Variants in ARHGAP27 observed in about 807,000 individuals in gnomAD.
The protein encoded by ARHGAP27 is Rho GTPase activating protein 27.
ARHGAP27 carries 53 observed loss-of-function variants against 102.0 expected under a neutral mutation model. The ratio of observed to expected loss-of-function variants is 0.52; its 90% CI spans 0.42 to 0.65. The LOEUF (loss-of-function observed/expected upper bound fraction) is 0.65. Among genes scored for constraint, ARHGAP27 ranks in the 30% least tolerant of loss-of-function variants. The pLI is 0.00. For synonymous variants in ARHGAP27, 525 were observed against 542.8 expected (o/e 0.97, Z 0.46); for missense variants, 1,117 against 1,256.2 (o/e 0.89, Z 1.68).
intron 4 of ARHGAP27, 142 bp downstream of exon 4, chr17:45,429,481 A>G (rs751535279): frequency 1.3e-6 from 2 of 1,491,606 alleles, no homozygotes; most frequent in South Asian, 1.4e-5. Context: ...GGTTGGGGAG[A>G]GGGAGCTCAT....
rs1196317004 is a variant in ARHGAP27 at position 45,405,552 on chromosome 17, C to G, written c.1065+124G>C. On this transcript the variant is annotated intron_variant, in intron 5 of 19. Transcript: ENST00000685559. ...GGAGCAGGAGAAGGGGTCAAAGGCTCTCAGAGGTAGCCCCGCCCACCCATC... is the reference window on the plus strand; with the variant it reads ...GGAGCAGGAGAAGGGGTCAAAGGCTGTCAGAGGTAGCCCCGCCCACCCATC... The G allele has an allele frequency of 1.4e-5, 18 of 1,322,484 alleles. No individual in the cohort carries two copies. The East Asian group carries it at 3.9e-4, about 29-fold the overall frequency. The allele number at this position is 1,322,484 out of a possible 1,614,324, so 81.9% of individuals were successfully genotyped here. A position where few individuals can be genotyped will look rare whatever the true frequency, so the allele number is the denominator to read the frequency against.
chr17:45,402,601 C>T, intron 12 of ARHGAP27, 113 bp downstream of exon 12: 1 of 948,000 alleles, frequency 1.1e-6, no homozygotes. Context: ...AGTGTTGGCT[C>T]ATAGGGAATT....
At chr17:45,410,381 G>C in intron 4 of ARHGAP27, 1 of 1,362,824 alleles carries the variant, frequency 7.3e-7, no homozygotes, top group Non-Finnish European at 9.4e-7. Flanking sequence ...AGGGCAACAG[G>C]GAAACAAGAA....
chr17:45,418,375 C>T (rs1242108424), intron 4 of ARHGAP27, among the ~76,000 whole-genome samples: 2 of 151,372 alleles, frequency 1.3e-5, no homozygotes, highest in African/African-American at 2.4e-5. Context: ...GAGGACCAAG[C>T]GGGAGGACTG....
chr17:45,410,073 C>G lies in ARHGAP27; in HGVS notation c.658-3990G>C, dbSNP rs879091426. On this transcript the variant is annotated intron_variant, in intron 4 of 19. Transcript: ENST00000685559. ...CCTGCCACTCTTGCCCCAAGCTGAC[C>G]ACCTCTTGGATGGGCAGGGCCTCCG... 6.4e-6 allele frequency: 6 copies of G among 935,128 alleles called. No individual in the cohort carries two copies. In the South Asian group the frequency reaches 1.0e-4, roughly 16 times the overall value. The allele number at this position is 935,128 out of a possible 1,614,324, so 57.9% of individuals were successfully genotyped here.
intron 4 of ARHGAP27, among the ~76,000 whole-genome samples, chr17:45,416,536 A>C (rs2048476481): frequency 6.7e-6 from 1 of 149,730 alleles, no homozygotes; most frequent in Non-Finnish European, 1.5e-5. Context: ...CTAGGCAATA[A>C]GTAACTGTAT....
intron 14 of ARHGAP27, 26 bp from the exon 15 acceptor site, chr17:45,396,816 G>A: frequency 6.2e-7 from 1 of 1,608,282 alleles, no homozygotes; most frequent in South Asian, 1.1e-5. Context: ...GCAGGACTGA[G>A]TCAGGAGGCA....
At chr17:45,404,577 A>T (rs773278381) in intron 7 of ARHGAP27, 24 bp downstream of exon 7, 1 of 1,612,012 alleles carries the variant, frequency 6.2e-7, no homozygotes, top group Non-Finnish European at 8.5e-7. Flanking sequence ...TCTCCCCAAC[A>T]CCCCCCTTTC....
At chr17:45,415,850 C>T (rs2048395662) in intron 4 of ARHGAP27, among the ~76,000 whole-genome samples, 1 of 152,188 alleles carries the variant, frequency 6.6e-6, no homozygotes, top group Non-Finnish European at 1.5e-5. Flanking sequence ...CAGCCAGATA[C>T]AAGGCATGGA....
chr17:45,410,946 C>T (rs181548360), intron 4 of ARHGAP27, among the ~76,000 whole-genome samples: 359 of 152,224 alleles, frequency 2.4e-3, no homozygotes, highest in African/African-American at 8.4e-3. Flanking sequence ...GACCACATCA[C>T]TATCTGCCCG....
chr17:45,401,838 C>T (rs1444483768), intron 12 of ARHGAP27, among the ~76,000 whole-genome samples: 2 of 152,200 alleles, frequency 1.3e-5, no homozygotes, highest in African/African-American at 4.8e-5. Flanking sequence ...CAGTAACCAC[C>T]ACCTTAGCAC....
chr17:45,396,572 G>A lies in ARHGAP27; in HGVS notation c.2088C>T (p.Gly696=). ...EKGYIKDQVF[G]CALAALCERE... is the part of the protein sequence containing the mutation. Reference sequence around the variant, plus strand: ...GCTCACACAGCGCGGCCAGCGCGCAGCCGAACACCTGGTCTAGGGCAGAGG... The same window carrying A: ...GCTCACACAGCGCGGCCAGCGCGCAACCGAACACCTGGTCTAGGGCAGAGG... Residue 696 remains glycine, a synonymous_variant, in exon 16 of 20, where the codon GGC becomes GGT. Coordinates refer to ENST00000685559, the MANE Select transcript of ARHGAP27 (RefSeq NM_001282290.2). 1 of 1,605,748 alleles carries A rather than the reference G, an allele frequency of 6.2e-7. No individual in the cohort carries two copies. The highest frequency in any genetic ancestry group is 8.5e-7 in the Non-Finnish European group (1 of 1,178,050).
At chr17:45,399,722 T>TG (rs1289852026) in intron 12 of ARHGAP27, among the ~76,000 whole-genome samples, 1 of 151,996 alleles carries the variant, frequency 6.6e-6, no homozygotes, top group African/African-American at 2.4e-5. Context: ...ACAAGAGCCC[T>TG]GCTCAAGATT....
At chr17:45,396,170 T>C in intron 17 of ARHGAP27, 37 bp downstream of exon 17, 2 of 1,594,538 alleles carry the variant, frequency 1.3e-6, no homozygotes, top group Non-Finnish European at 1.7e-6. Flanking sequence ...CCCTTGCGCC[T>C]TCAGGCCCTG....
At chr17:45,424,678 AG>A (rs55874939) in intron 4 of ARHGAP27, among the ~76,000 whole-genome samples, 20,884 of 143,126 alleles carry the variant, frequency 0.15, 1,741 homozygotes, top group Middle Eastern at 0.24. Flanking sequence ...GAAGGGTGGG[AG>A]GGGGGTGAGG....
chr17:45,395,339 G>A lies in ARHGAP27; in HGVS notation c.*117C>T. Reference sequence around the variant, plus strand: ...GAACCGAGGGTGCAGAAGTCACACCGGCCTGCGGCTATGCGCTGGCGGAGG... The same window carrying A: ...GAACCGAGGGTGCAGAAGTCACACCAGCCTGCGGCTATGCGCTGGCGGAGG... On this transcript the variant is annotated 3_prime_UTR_variant, in exon 20 of 20. Coordinates refer to ENST00000685559, the MANE Select transcript of ARHGAP27 (RefSeq NM_001282290.2). The A allele has an allele frequency of 2.3e-6, 3 of 1,309,414 alleles. No homozygotes were observed. The highest frequency in any genetic ancestry group is 3.1e-6 in the Non-Finnish European group (3 of 975,142). 81.1% of individuals were successfully genotyped at this position (1,309,414 alleles called of 1,614,324 possible).
intron 4 of ARHGAP27, among the ~76,000 whole-genome samples, chr17:45,426,482 T>G (rs2049609431): frequency 6.6e-6 from 1 of 151,932 alleles, no homozygotes; most frequent in South Asian, 2.1e-4. Context: ...TGGCAGGAGC[T>G]CCTCTGTTCT....
intron 4 of ARHGAP27, among the ~76,000 whole-genome samples, chr17:45,415,062 C>CAA (rs546453138): frequency 3.9e-4 from 24 of 61,192 alleles, no homozygotes; most frequent in Non-Finnish European, 5.0e-4. Flanking sequence ...GAGTCCATCT[C>CAA]AAAAAAAAAA....
intron 4 of ARHGAP27, among the ~76,000 whole-genome samples, chr17:45,421,125 T>TG (rs960150131): frequency 5.2e-4 from 69 of 131,486 alleles, no homozygotes; most frequent in African/African-American, 1.8e-3. Flanking sequence ...AAAGATAAAC[T>TG]GGGGGGGACC....
Sources: gnomAD v4.1 joint callset for allele counts (sites outside exome capture counted in the v4.1 genomes callset) on GRCh38, gnomAD v4.1.1 for gene constraint, MANE v1.5 for transcripts, NCBI Gene and HGNC (gene_info 2026-07-23, HGNC 2026-07-21) for gene names.